PPFIA2: variants seen among roughly 807,000 people sequenced by gnomAD.
PPFIA2 encodes PPFI scaffold protein A2, also known as liprin-alpha-2.
PPFIA2 carries 46 observed loss-of-function variants against 175.5 expected under a neutral mutation model. That is an observed-to-expected ratio of 0.26 (90% CI 0.21 to 0.34). The LOEUF (loss-of-function observed/expected upper bound fraction) is 0.34. Among genes scored for constraint, PPFIA2 ranks in the 10% least tolerant of loss-of-function variants. The pLI is 1.00. For synonymous variants in PPFIA2, 568 were observed against 511.4 expected (o/e 1.11, Z -1.49); for missense variants, 1,179 against 1,506.1 (o/e 0.78, Z 3.60).
intron 4 of PPFIA2, among the ~76,000 whole-genome samples, chr12:81,544,907 AG>A (rs1426279670): frequency 2.0e-5 from 3 of 152,224 alleles, no homozygotes. Flanking sequence ...ACAAAATTTC[AG>A]TTAAATGCTT....
At chr12:81,708,145 A>G (rs1422310656) in intron 3 of PPFIA2, among the ~76,000 whole-genome samples, 1 of 152,012 alleles carries the variant, frequency 6.6e-6, no homozygotes, top group Non-Finnish European at 1.5e-5. Context: ...CATATTGTGC[A>G]CATGTACCCT....
intron 8 of PPFIA2, among the ~76,000 whole-genome samples, chr12:81,401,275 G>T (rs138272771): frequency 5.3e-5 from 8 of 152,098 alleles, no homozygotes; most frequent in African/African-American, 1.7e-4. Flanking sequence ...AATAGAATAA[G>T]CATTTATTGC....
chr12:81,348,389 A>G (rs985777237), intron 17 of PPFIA2, among the ~76,000 whole-genome samples: 4 of 152,182 alleles, frequency 2.6e-5, no homozygotes, highest in Non-Finnish European at 5.9e-5. Flanking sequence ...TAATAATGTG[A>G]AAATATAGTT....
At chr12:81,531,186 A>G (rs2064497362) in intron 4 of PPFIA2, among the ~76,000 whole-genome samples, 1 of 151,944 alleles carries the variant, frequency 6.6e-6, no homozygotes, top group African/African-American at 2.4e-5. Flanking sequence ...ATGCCAGTAA[A>G]TCAAATTGGC....
chr12:81,484,768 T>C (rs1308343274), intron 4 of PPFIA2, among the ~76,000 whole-genome samples: 1 of 151,942 alleles, frequency 6.6e-6, no homozygotes, highest in East Asian at 1.9e-4. Flanking sequence ...AAAATAAAAA[T>C]AGCATTGCTA....
chr12:81,553,819 C>G (rs141482296), intron 4 of PPFIA2, among the ~76,000 whole-genome samples: 3 of 152,034 alleles, frequency 2.0e-5, no homozygotes, highest in Non-Finnish European at 2.9e-5. Context: ...GTGTTTTAAG[C>G]CTCCATGTTT....
At chr12:81,446,713 A>T (rs946975229) in intron 5 of PPFIA2, among the ~76,000 whole-genome samples, 2 of 152,204 alleles carry the variant, frequency 1.3e-5, no homozygotes, top group African/African-American at 4.8e-5. Flanking sequence ...AAAAGATTTA[A>T]AAACAGATAT....
Position 81,368,709 on chromosome 12 carries a change from CCTT to C in PPFIA2, c.1482+13_1482+15del. ...TTGCAAAATATTCATGTGATTTTAC[CCTT>C]CTATCGTTTTACCTTTTCTTCTAGA... is the stretch of plus-strand genomic sequence containing the variant. On this transcript the variant is annotated intron_variant, in intron 13 of 32. Coordinates refer to ENST00000549396, the MANE Select transcript of PPFIA2 (RefSeq NM_003625.5). 2 of 1,596,672 alleles carry C rather than the reference CCTT, an allele frequency of 1.3e-6. No individual in the cohort carries two copies. The highest frequency in any genetic ancestry group is 1.7e-6 in the Non-Finnish European group (2 of 1,172,274).
rs1173122688 is a variant in PPFIA2, at chr12:81,313,910, T to C, written c.2642+11867A>G. 2.6e-5 allele frequency among the ~76,000 whole-genome samples: 4 copies of C among 151,838 alleles called. No individual in the cohort carries two copies. In the East Asian group the frequency reaches 7.7e-4, roughly 29 times the overall value. On this transcript the variant is annotated intron_variant, in intron 22 of 32. Transcript: ENST00000549396. Reference sequence around the variant, plus strand: ...AAATAGAAAACTTACACAGTATAAATACCTTAAAATATAAAATATAAGATA... The same window carrying C: ...AAATAGAAAACTTACACAGTATAAACACCTTAAAATATAAAATATAAGATA...
chr12:81,699,902 T>C (rs548032111), intron 3 of PPFIA2, among the ~76,000 whole-genome samples: 1 of 152,178 alleles, frequency 6.6e-6, no homozygotes, highest in South Asian at 2.1e-4. Flanking sequence ...GAATCTTATT[T>C]TGCCAAGAGT....
chr12:81,314,826 T>G (rs1475332855), intron 22 of PPFIA2, among the ~76,000 whole-genome samples: 1 of 151,844 alleles, frequency 6.6e-6, no homozygotes, highest in Admixed American at 6.6e-5. Flanking sequence ...TCAAATTGAG[T>G]AGTTAATGGC....
At chr12:81,280,140 T>C (rs1357092057) in intron 27 of PPFIA2, among the ~76,000 whole-genome samples, 2 of 152,176 alleles carry the variant, frequency 1.3e-5, no homozygotes, top group African/African-American at 4.8e-5. Flanking sequence ...CACTGTATGG[T>C]AGCACTTTTG....
chr12:81,605,863 T>C (rs995455703), intron 4 of PPFIA2, among the ~76,000 whole-genome samples: 1 of 151,888 alleles, frequency 6.6e-6, no homozygotes, highest in South Asian at 2.1e-4. Context: ...TTCTCAACTT[T>C]TATTCAGATT....
At chr12:81,304,123 C>T (rs952042514) in intron 22 of PPFIA2, among the ~76,000 whole-genome samples, 4 of 152,178 alleles carry the variant, frequency 2.6e-5, no homozygotes, top group Non-Finnish European at 5.9e-5. Context: ...CTATATCCAT[C>T]CTTCTCTTGC....
intron 9 of PPFIA2, chr12:81,378,245 G>T (rs7970338): frequency 0.37 from 56,205 of 151,566 alleles, 12,327 homozygotes; most frequent in African/African-American, 0.61. Context: ...CCACCCAGTT[G>T]GTGGCAATTT....
At chr12:81,424,674 G>A (rs890946071) in intron 7 of PPFIA2, among the ~76,000 whole-genome samples, 1 of 152,156 alleles carries the variant, frequency 6.6e-6, no homozygotes, top group African/African-American at 2.4e-5. Context: ...AGAGTGATGT[G>A]AGACCAAGTT....
intron 4 of PPFIA2, among the ~76,000 whole-genome samples, chr12:81,542,554 A>G (rs2066383419): frequency 6.6e-6 from 1 of 152,156 alleles, no homozygotes; most frequent in Admixed American, 6.6e-5. Context: ...TCCTAGAAGT[A>G]ATGGGACCCC....
At position 81,258,301 on chromosome 12, in the gene PPFIA2, G is replaced by T. The variant is rs190638569; in HGVS notation, c.*1393C>A. ...ATTTTTTTTATTGACAATGGAAAGG[G>T]TTTCTGTTATCATTACCTTTTGACT... is the stretch of plus-strand genomic sequence containing the variant. On this transcript the variant is annotated 3_prime_UTR_variant, in exon 33 of 33. Coordinates refer to ENST00000549396, the MANE Select transcript of PPFIA2 (RefSeq NM_003625.5). 4 of 152,190 alleles carry T rather than the reference G, an allele frequency of 2.6e-5. No homozygotes were observed. Among genetic ancestry groups the T allele is most frequent in the African/African-American group, 7.2e-5 (3 of 41,556 alleles). 9.4% of individuals were successfully genotyped at this position (152,190 alleles called of 1,614,324 possible). A position where few individuals can be genotyped will look rare whatever the true frequency, so the allele number is the denominator to read the frequency against.
At chr12:81,278,762 A>G (rs1016438774) in intron 27 of PPFIA2, among the ~76,000 whole-genome samples, 1 of 152,198 alleles carries the variant, frequency 6.6e-6, no homozygotes, top group Non-Finnish European at 1.5e-5. Flanking sequence ...GATGCAGAAG[A>G]TGTGATAGGA....
Sources: gnomAD v4.1 joint callset for allele counts (sites outside exome capture counted in the v4.1 genomes callset) on GRCh38, gnomAD v4.1.1 for gene constraint, MANE v1.5 for transcripts, NCBI Gene and HGNC (gene_info 2026-07-23, HGNC 2026-07-21) for gene names.